The following SCAI variants were observed in gnomAD, a reference collection of about 807,000 sequenced individuals.
SCAI encodes the protein protein SCAI.
A neutral mutation model predicts 92.2 loss-of-function variants in SCAI; 24 were observed. The ratio of observed to expected loss-of-function variants is 0.26; its 90% confidence interval spans 0.19 to 0.37. The LOEUF (loss-of-function observed/expected upper bound fraction) is 0.37, where lower values mean the gene tolerates loss of function less well. SCAI is among the 10% of genes least tolerant of loss of function. The pLI, the probability that SCAI is intolerant of heterozygous loss-of-function variation, is 1.00. For missense variants in SCAI, 450 were observed against 736.2 expected (o/e 0.61, Z 4.50); for synonymous variants, 261 against 258.6 (o/e 1.01, Z -0.09).
intron 9 of SCAI, among the ~76,000 whole-genome samples, chr9:125,017,420 T>C (rs542337206): frequency 6.6e-6 from 1 of 151,870 alleles, no homozygotes; most frequent in Non-Finnish European, 1.5e-5. Flanking sequence ...TGTTTCAAAA[T>C]ATTTCCATTT....
intron 2 of SCAI, among the ~76,000 whole-genome samples, chr9:125,099,706 T>C (rs1212992451): frequency 6.6e-6 from 1 of 152,194 alleles, no homozygotes; most frequent in Non-Finnish European, 1.5e-5. Flanking sequence ...GAGGAAATCA[T>C]GTGTCTGTCA....
chr9:125,117,330 C>T (rs1169588496), intron 2 of SCAI, among the ~76,000 whole-genome samples: 1 of 152,080 alleles, frequency 6.6e-6, no homozygotes, highest in Non-Finnish European at 1.5e-5. Flanking sequence ...ACCTGATTAC[C>T]TCAATCATTA....
chr9:125,011,352 C>G (rs1832635013), intron 9 of SCAI, among the ~76,000 whole-genome samples: 1 of 152,194 alleles, frequency 6.6e-6, no homozygotes, highest in African/African-American at 2.4e-5. Flanking sequence ...GCTGATGGAG[C>G]TGAAAGCCAA....
intron 2 of SCAI, among the ~76,000 whole-genome samples, chr9:125,115,043 G>C (rs1258502398): frequency 1.3e-5 from 2 of 151,970 alleles, no homozygotes; most frequent in Admixed American, 1.3e-4. Flanking sequence ...AAAGAGCTGG[G>C]ATTACAGGCC....
At chr9:125,013,043 A>G (rs1832672161) in intron 9 of SCAI, among the ~76,000 whole-genome samples, 1 of 152,184 alleles carries the variant, frequency 6.6e-6, no homozygotes, top group Non-Finnish European at 1.5e-5. Context: ...TGTAGAGGGA[A>G]ATTTATAGCA....
intron 17 of SCAI, among the ~76,000 whole-genome samples, chr9:124,954,439 T>C (rs1229277506): frequency 1.3e-5 from 2 of 152,202 alleles, no homozygotes; most frequent in Non-Finnish European, 2.9e-5. Flanking sequence ...CTATGCTCAA[T>C]AGTTACACAA....
chr9:125,103,054 C>T (rs1834710533), intron 2 of SCAI, among the ~76,000 whole-genome samples: 1 of 152,106 alleles, frequency 6.6e-6, no homozygotes, highest in Non-Finnish European at 1.5e-5. Context: ...GTCATTTTTC[C>T]ACTCTCTCAA....
intron 2 of SCAI, among the ~76,000 whole-genome samples, chr9:125,106,120 A>AAAAAAT (rs1834782620): frequency 5.5e-5 from 1 of 18,158 alleles, no homozygotes. Flanking sequence ...AAAAAAAAAA[A>AAAAAAT]AAATATATAT....
chr9:125,056,261 T>A (rs1489431416), intron 2 of SCAI, among the ~76,000 whole-genome samples: 3 of 151,484 alleles, frequency 2.0e-5, no homozygotes, highest in Non-Finnish European at 4.4e-5. Flanking sequence ...AGGTCAGGAG[T>A]TCAAGACCAG....
In SCAI at chr9:124,968,158, T is replaced by C. The variant is rs573594958; in HGVS notation, c.1674+3212A>G. ...TGTGGGCAAGGTAGGAGGCAACACG[T>C]TCTTTCCACAGAGCTGTTCCTCAAA... On this transcript the variant is annotated intron_variant, in intron 17 of 17. Transcript: ENST00000336505. 3.9e-5 allele frequency: 22 copies of C among 558,788 alleles called. No individual in the cohort carries two copies. The Admixed American group carries it at 5.8e-4, about 15-fold the overall frequency. 34.6% of individuals were successfully genotyped at this position (558,788 alleles called of 1,614,324 possible).
At chr9:125,066,451 T>A (rs1033089860) in intron 2 of SCAI, among the ~76,000 whole-genome samples, 2 of 119,166 alleles carry the variant, frequency 1.7e-5, no homozygotes, top group Admixed American at 7.9e-5. Flanking sequence ...TATTTTATTT[T>A]ATTTATTTAT....
rs570321995 is a variant in SCAI, at chr9:125,126,231, A to G, written c.98+16402T>C. Among the ~76,000 whole-genome samples, 51 of 152,254 alleles carry G rather than the reference A, an allele frequency of 3.3e-4. 1 individual carries two copies. The highest frequency in any genetic ancestry group is 3.3e-3 in the Admixed American group (51 of 15,294). ...TGCCAGCAGGCCTCAGAAGATCTAC[A>G]TCCAAGCTAGCTGTTGTGGTTGCTG... On this transcript the variant is annotated intron_variant, in intron 2 of 17. Coordinates refer to ENST00000336505, the MANE Select transcript of SCAI (RefSeq NM_001144877.3).
At chr9:125,001,068 A>G (rs960419003) in intron 12 of SCAI, among the ~76,000 whole-genome samples, 1 of 152,210 alleles carries the variant, frequency 6.6e-6, no homozygotes, top group Non-Finnish European at 1.5e-5. Context: ...AAAAGTACTA[A>G]CATTATTACA....
chr9:124,999,984 T>C lies in SCAI; in HGVS notation c.1151A>G (p.Tyr384Cys). ...ATTAGTAAGTACACCTCCAAAATCA[T>C]AAGGACCTATAAAAACAAAGGGAAG... ...PTGRSDSEGP[Y>C]DFGGVLTNSN... The change falls in exon 13 of 18, where the codon TAT becomes TGT. Residue 384 changes from tyrosine (Y) to cysteine (C), a missense_variant. Tyr to Cys is a radical substitution (Grantham distance 194). Transcript: ENST00000336505. 1 of 1,508,246 alleles carries C rather than the reference T, an allele frequency of 6.6e-7. No homozygotes were observed. The highest frequency in any genetic ancestry group is 9.1e-7 in the Non-Finnish European group (1 of 1,103,548). 93.4% of individuals were successfully genotyped at this position (1,508,246 alleles called of 1,614,324 possible). A position where few individuals can be genotyped will look rare whatever the true frequency, so the allele number is the denominator to read the frequency against.
chr9:124,976,749 T>A (rs1831765267), intron 14 of SCAI, among the ~76,000 whole-genome samples: 1 of 152,192 alleles, frequency 6.6e-6, no homozygotes. Flanking sequence ...TCATAAGCTG[T>A]GTGGTAAAGC....
chr9:125,114,922 C>A (rs966551039), intron 2 of SCAI, among the ~76,000 whole-genome samples: 15 of 152,100 alleles, frequency 9.9e-5, no homozygotes, highest in Admixed American at 3.3e-4. Flanking sequence ...TACAGGCATG[C>A]ACACCATGCC....
At chr9:124,980,021 G>T (rs1271635801) in intron 14 of SCAI, among the ~76,000 whole-genome samples, 2 of 148,464 alleles carry the variant, frequency 1.3e-5, no homozygotes, top group Non-Finnish European at 3.0e-5. Context: ...CTGCACTCCA[G>T]CCTGGGTGAC....
chr9:124,962,408 G>A lies in SCAI; in HGVS notation c.1674+8962C>T, dbSNP rs973083009. ...ATTCTTGACCTAAGGTGACCAACCC[G>A]CTGTGGCCTGCCAAAGTGCTGGGAT... is the stretch of plus-strand genomic sequence containing the variant. On this transcript the variant is annotated intron_variant, in intron 17 of 17. Transcript: ENST00000336505. Among the ~76,000 whole-genome samples the A allele has an allele frequency of 3.3e-5, 5 of 152,154 alleles. No individual in the cohort carries two copies. The South Asian group carries it at 1.0e-3, about 32-fold the overall frequency.
At chr9:125,123,151 C>T (rs1021725828) in intron 2 of SCAI, among the ~76,000 whole-genome samples, 1 of 152,146 alleles carries the variant, frequency 6.6e-6, no homozygotes, top group Admixed American at 6.6e-5. Flanking sequence ...TGCCTGTGCT[C>T]AGGAGTTCAA....
Sources: gnomAD v4.1 joint callset for allele counts (sites outside exome capture counted in the v4.1 genomes callset) on GRCh38, gnomAD v4.1.1 for gene constraint, MANE v1.5 for transcripts, NCBI Gene and HGNC (gene_info 2026-07-23, HGNC 2026-07-21) for gene names.